The following SF3A3 variants were observed in gnomAD, a reference collection of about 807,000 sequenced individuals.
SF3A3 encodes the protein splicing factor 3a subunit 3.
In SF3A3, 9 loss-of-function variants were observed where a neutral mutation model predicts 85.8. That is an observed-to-expected ratio of 0.10 (90% CI 0.06 to 0.18). SF3A3 has a LOEUF of 0.18. Among genes scored for constraint, SF3A3 ranks in the 10% least tolerant of loss-of-function variants. SF3A3 has a pLI of 1.00. For synonymous variants in SF3A3, 195 were observed against 204.4 expected, an observed-to-expected ratio of 0.95 and a Z score of 0.39; for missense variants, 306 against 593.3, an observed-to-expected ratio of 0.52 and a Z score of 5.03.
intron 2 of SF3A3, among the ~76,000 whole-genome samples, chr1:37,988,493 A>G (rs1212011109): frequency 6.6e-6 from 1 of 152,212 alleles, no homozygotes; most frequent in East Asian, 1.9e-4. Flanking sequence ...AGCCTATCAC[A>G]GGTTCGGGCC....
At chr1:37,970,031 G>A (rs1646327599) in intron 12 of SF3A3, among the ~76,000 whole-genome samples, 1 of 152,114 alleles carries the variant, frequency 6.6e-6, no homozygotes, top group Non-Finnish European at 1.5e-5. Context: ...CTGGCTGGGT[G>A]TGGTGGCTCA....
At chr1:37,985,198 T>C (rs533608966) in intron 4 of SF3A3, among the ~76,000 whole-genome samples, 13 of 152,356 alleles carry the variant, frequency 8.5e-5, no homozygotes, top group Non-Finnish European at 1.5e-4. Flanking sequence ...GGCCTTGATT[T>C]TTCACTAGGA....
At chr1:37,964,753 A>T (rs927982602) in intron 15 of SF3A3, among the ~76,000 whole-genome samples, 1 of 152,184 alleles carries the variant, frequency 6.6e-6, no homozygotes, top group African/African-American at 2.4e-5. Context: ...TCAGCAGCAC[A>T]TTCCCTGATA....
Position 37,989,766 on chromosome 1 carries a change from G to T in SF3A3, c.96+104C>A, listed in dbSNP as rs530602423. On this transcript the variant is annotated intron_variant, in intron 1 of 16. Transcript: ENST00000373019. ...AGACCGGAGCTCGGAGAGGGAGCCC[G>T]GAGGAAGGCAGGGAGGTTCTGAGGG... The T allele has an allele frequency of 5.7e-6, 7 of 1,229,236 alleles. No individual in the cohort carries two copies. The highest frequency in any genetic ancestry group is 3.0e-5 in the African/African-American group (2 of 66,744). 76.1% of individuals were successfully genotyped at this position (1,229,236 alleles called of 1,614,324 possible). A position where few individuals can be genotyped will look rare whatever the true frequency, so the allele number is the denominator to read the frequency against.
At chr1:37,989,282 G>A (rs1369631758) in intron 2 of SF3A3, among the ~76,000 whole-genome samples, 5 of 151,324 alleles carry the variant, frequency 3.3e-5, no homozygotes, top group Non-Finnish European at 2.9e-5. Context: ...GCAACAGAGC[G>A]AGACTCCGTC....
At chr1:37,983,586 C>CAAAAAAAAAAAAAAAA (rs371317065) in intron 6 of SF3A3, among the ~76,000 whole-genome samples, 2,372 of 38,368 alleles carry the variant, frequency 0.062, 590 homozygotes, top group East Asian at 0.12. Flanking sequence ...GACCCTGTCT[C>CAAAAAAAAAAAAAAAA]AAAAAAAAAA....
intron 15 of SF3A3, among the ~76,000 whole-genome samples, chr1:37,966,210 T>A (rs564590709): frequency 5.5e-4 from 81 of 147,444 alleles, no homozygotes; most frequent in South Asian, 2.2e-3. Flanking sequence ...CTCAAAAAAA[T>A]AAATAAATAA....
At chr1:37,970,964 A>C (rs1176254314) in intron 12 of SF3A3, among the ~76,000 whole-genome samples, 1 of 152,194 alleles carries the variant, frequency 6.6e-6, no homozygotes, top group Non-Finnish European at 1.5e-5. Flanking sequence ...AGCAAGAGCA[A>C]ACACATTCAA....
intron 5 of SF3A3, 142 bp downstream of exon 5, chr1:37,984,565 G>A: frequency 1.5e-6 from 1 of 677,562 alleles, no homozygotes. Context: ...AACTTAGGAT[G>A]TCACTCTAGC....
intron 12 of SF3A3, among the ~76,000 whole-genome samples, chr1:37,971,875 T>C (rs1387894698): frequency 6.6e-6 from 1 of 152,176 alleles, no homozygotes; most frequent in Non-Finnish European, 1.5e-5. Context: ...TAAGAGCCAT[T>C]TATGACAAAC....
intron 15 of SF3A3, chr1:37,960,513 T>C: frequency 3.9e-6 from 1 of 256,356 alleles, no homozygotes; most frequent in Admixed American, 4.9e-5. Flanking sequence ...GCTCATAATA[T>C]AAAAATTCTA....
chr1:37,983,275 AAAAG>A (rs1170149536), intron 6 of SF3A3, among the ~76,000 whole-genome samples: 1 of 150,706 alleles, frequency 6.6e-6, no homozygotes, highest in Admixed American at 6.6e-5. Flanking sequence ...AAAAAAAAAA[AAAAG>A]AATTTAAAGA....
In SF3A3 at chr1:37,961,029, G is replaced by C. The variant is rs546215739; in HGVS notation, c.1373-854C>G. Among the ~76,000 whole-genome samples, 4 of 152,150 alleles carry C rather than the reference G, an allele frequency of 2.6e-5. No homozygotes were observed. In the South Asian group the frequency reaches 6.2e-4, roughly 24 times the overall value. On this transcript the variant is annotated intron_variant, in intron 15 of 16. Coordinates refer to ENST00000373019, the MANE Select transcript of SF3A3 (RefSeq NM_006802.4). ...ATGGCTACATGTAATACATAAGACAGGTCCACTGCCAGAGAGGGAAGATAA... is the reference window on the plus strand; with the variant it reads ...ATGGCTACATGTAATACATAAGACACGTCCACTGCCAGAGAGGGAAGATAA...
At chr1:37,982,013 TATC>T (rs1646422539) in intron 6 of SF3A3, among the ~76,000 whole-genome samples, 1 of 137,130 alleles carries the variant, frequency 7.3e-6, no homozygotes, top group Admixed American at 7.3e-5. Flanking sequence ...TGAAGGAAAA[TATC>T]AGACATAATA....
chr1:37,989,627 T>C (rs759316649), intron 1 of SF3A3, 32 bp from the exon 2 acceptor site: 3 of 1,611,392 alleles, frequency 1.9e-6, no homozygotes, highest in South Asian at 1.1e-5. Context: ...CAAACGCCGT[T>C]AGTTTGCGTT....
chr1:37,962,603 C>CAAAA (rs10562404), intron 15 of SF3A3, among the ~76,000 whole-genome samples: 23 of 80,238 alleles, frequency 2.9e-4, no homozygotes, highest in Non-Finnish European at 3.6e-4. Context: ...AACTCCATCT[C>CAAAA]AAAAAAAAAA....
At chr1:37,988,873 GTGTGTGTATA>G (rs1372493268) in intron 2 of SF3A3, among the ~76,000 whole-genome samples, 3 of 149,058 alleles carry the variant, frequency 2.0e-5, no homozygotes, top group African/African-American at 7.6e-5. Context: ...GTGTGTGTGT[GTGTGTGTATA>G]TATATATATA....
chr1:37,986,844 G>A (rs935357354), intron 4 of SF3A3, among the ~76,000 whole-genome samples: 3 of 146,244 alleles, frequency 2.1e-5, no homozygotes, highest in Admixed American at 1.4e-4. Flanking sequence ...ACAGAGTTAG[G>A]AACACAATTT....
At chr1:37,981,391 T>C (rs538584571) in intron 7 of SF3A3, among the ~76,000 whole-genome samples, 1 of 152,286 alleles carries the variant, frequency 6.6e-6, no homozygotes, top group African/African-American at 2.4e-5. Context: ...CACCTAAGCA[T>C]CTCACTTCAG....
Sources: allele counts gnomAD v4.1 joint callset (sites outside exome capture counted in the v4.1 genomes callset), GRCh38; gene constraint gnomAD v4.1.1; transcripts MANE v1.5; gene names NCBI Gene and HGNC (gene_info 2026-07-23, HGNC 2026-07-21).